The following PHRF1 variants were observed in gnomAD, a reference collection of about 807,000 sequenced individuals.
PHRF1 encodes PHD and ring finger domains 1.
A neutral mutation model predicts 128.9 loss-of-function variants in PHRF1; 53 were observed. That is an observed-to-expected ratio of 0.41 (90% CI 0.33 to 0.52). PHRF1 has a LOEUF of 0.52. Ranked by LOEUF, PHRF1 falls within the 20% of genes least tolerant of loss-of-function variation. The pLI is 0.21. For synonymous variants in PHRF1, 1,178 were observed against 980.6 expected, an observed-to-expected ratio of 1.20 and a Z score of -3.76; for missense variants, 2,503 against 2,284.5, an observed-to-expected ratio of 1.10 and a Z score of -1.95.
chr11:583,092 G>C (rs1316100343), intron 3 of PHRF1, among the ~76,000 whole-genome samples: 1 of 151,374 alleles, frequency 6.6e-6, no homozygotes, highest in Non-Finnish European at 1.5e-5. Context: ...TGTAATCCCA[G>C]CACTTTGGGA....
Position 611,669 on chromosome 11 carries a change from G to A in PHRF1, c.4842G>A (p.Val1614=), listed in dbSNP as rs1287150734. Residue 1614 remains valine, a synonymous_variant, in exon 18 of 18, where the codon GTG becomes GTA. Coordinates refer to ENST00000264555, the MANE Select transcript of PHRF1 (RefSeq NM_001286581.2). ...CHSKSGEINP[V]KVANLVKAYV... is the part of the protein sequence containing the mutation. ...GCAAGAGTGGAGAGATCAACCCCGTGAAGGTGGCCAACCTGGTGAAGGCGT... is the reference window on the plus strand; with the variant it reads ...GCAAGAGTGGAGAGATCAACCCCGTAAAGGTGGCCAACCTGGTGAAGGCGT... 4 of 1,613,100 alleles carry A rather than the reference G, an allele frequency of 2.5e-6. No homozygotes were observed. Among genetic ancestry groups the A allele is most frequent in the Non-Finnish European group, 3.4e-6 (4 of 1,179,862 alleles).
chr11:599,853 A>G (rs1251279325), intron 9 of PHRF1, among the ~76,000 whole-genome samples: 1 of 152,038 alleles, frequency 6.6e-6, no homozygotes, highest in Non-Finnish European at 1.5e-5. Flanking sequence ...GGTCTGGTGC[A>G]GGGGCCCAAC....
Position 592,586 on chromosome 11 carries a change from G to C in PHRF1, c.532G>C (p.Glu178Gln). The C allele has an allele frequency of 5.6e-6, 9 of 1,613,346 alleles. No homozygotes were observed. Among genetic ancestry groups the C allele is most frequent in the Non-Finnish European group, 7.6e-6 (9 of 1,179,312 alleles). Residue 178 changes from glutamate (E) to glutamine (Q), a missense_variant, in exon 6 of 18, where the codon GAG becomes CAG. By Grantham distance (29) the Glu-to-Gln change is conservative. Coordinates refer to ENST00000264555, the MANE Select transcript of PHRF1 (RefSeq NM_001286581.2). ...CCCAGTGGAGAACACCAAAGCGAGC[G>C]AGGAGGAGGAGGACCCGACCTTCTG... The part of the protein sequence containing the change: ...KIPVENTKAS[E>Q]EEEDPTFCEV...
rs76680773 is a variant in PHRF1, at chr11:577,180, C to G, written c.-22+588C>G. 4.9e-3 allele frequency among the ~76,000 whole-genome samples: 751 copies of G among 152,328 alleles called. 6 individuals are homozygous for G. The highest frequency in any genetic ancestry group is 0.017 in the African/African-American group (712 of 41,574). ...TAACTCTTGCAGTCCTCACAAGAGC[C>G]TCTCAGGTGTAGGTATTGTTCCCGT... is the stretch of plus-strand genomic sequence containing the variant. On this transcript the variant is annotated intron_variant, in intron 1 of 17. Coordinates refer to ENST00000264555, the MANE Select transcript of PHRF1 (RefSeq NM_001286581.2).
Position 609,704 on chromosome 11 carries a change from C to T in PHRF1, c.4248C>T (p.Ala1416=), listed in dbSNP as rs376116360. 1.8e-5 allele frequency: 27 copies of T among 1,501,542 alleles called. No homozygotes were observed. In the East Asian group the frequency reaches 2.9e-4, roughly 16 times the overall value. The allele number at this position is 1,501,542 out of a possible 1,614,324, so 93.0% of individuals were successfully genotyped here. The part of the protein sequence containing the change: ...NLQESESSAP[A]EDRAPRAPLH... ...AGGAGTCGGAGAGCAGCGCCCCCGCCGAGGACAGAGCCCCCCGTGAGTAGT... is the reference window on the plus strand; with the variant it reads ...AGGAGTCGGAGAGCAGCGCCCCCGCTGAGGACAGAGCCCCCCGTGAGTAGT... Residue 1416 remains alanine (A), a synonymous_variant, in exon 14 of 18, where the codon GCC becomes GCT. Coordinates refer to ENST00000264555, the MANE Select transcript of PHRF1 (RefSeq NM_001286581.2).
rs769386886 is a variant in PHRF1, at chr11:608,858, GCACAAGCATCAGCGGGAACGCAGC to G, written c.3406_3429del (p.Lys1136_His1143del). On this transcript the variant is annotated inframe_deletion, in exon 14 of 18. Transcript: ENST00000264555. ...CCAGCAGCCTGGAGAGGCTCTGCAGGCACAAGCATCAGCGGGAACGCAGCCACGAGCGGCCAGACAGGAAGGAGA... is the reference window on the plus strand; with the variant it reads ...CCAGCAGCCTGGAGAGGCTCTGCAGGCACGAGCGGCCAGACAGGAAGGAGA... 1 of 1,612,352 alleles carries G rather than the reference GCACAAGCATCAGCGGGAACGCAGC, an allele frequency of 6.2e-7. No individual in the cohort carries two copies. Among genetic ancestry groups the G allele is most frequent in the Admixed American group, 1.7e-5 (1 of 60,028 alleles).
At chr11:590,958 C>A (rs1398792398) in intron 4 of PHRF1, among the ~76,000 whole-genome samples, 4 of 152,198 alleles carry the variant, frequency 2.6e-5, no homozygotes, top group African/African-American at 9.7e-5. Context: ...CTGCCTCGGC[C>A]TCCCAAAGTG....
At chr11:609,854 T>G in intron 14 of PHRF1, 134 bp downstream of exon 14, 1 of 600,100 alleles carries the variant, frequency 1.7e-6, no homozygotes, top group Non-Finnish European at 2.7e-6. Flanking sequence ...AGTAGGGCCC[T>G]GGCCTCCGCT....
intron 10 of PHRF1, among the ~76,000 whole-genome samples, chr11:603,289 T>G (rs1855747610): frequency 1.3e-5 from 2 of 152,186 alleles, no homozygotes; most frequent in African/African-American, 4.8e-5. Flanking sequence ...CTCCCGGGCT[T>G]AAGCAGTTTG....
chr11:608,458 G>T lies in PHRF1; in HGVS notation c.3002G>T (p.Ser1001Ile). Residue 1001 changes from serine to isoleucine, a missense_variant, in exon 14 of 18, where the codon AGC becomes ATC. Ser to Ile is a moderately radical substitution (Grantham distance 142, BLOSUM62 -2). Transcript: ENST00000264555. The part of the protein sequence containing the change: ...SRSRSTSSSR[S>I]RKKAKRKRVS... ...TCCCGCTCCACATCCAGCTCCCGCA[G>T]CAGGAAGAAGGCCAAGAGGAAGAGG... is the stretch of plus-strand genomic sequence containing the variant. 6.2e-7 allele frequency: 1 copy of T among 1,612,510 alleles called. No homozygotes were observed. The highest frequency in any genetic ancestry group is 8.5e-7 in the Non-Finnish European group (1 of 1,179,842).
At chr11:589,831 TGA>T (rs745354923) in intron 4 of PHRF1, among the ~76,000 whole-genome samples, 3 of 139,692 alleles carry the variant, frequency 2.1e-5, no homozygotes, top group African/African-American at 3.1e-5. Flanking sequence ...GGGCTCAGCC[TGA>T]GAGAGAGTCT....
At position 597,495 on chromosome 11, in the gene PHRF1, A is replaced by C. The variant is rs937080210; in HGVS notation, c.819A>C (p.Ile273=). 1.2e-6 allele frequency: 2 copies of C among 1,612,614 alleles called. No individual in the cohort carries two copies. Among genetic ancestry groups the C allele is most frequent in the Admixed American group, 3.3e-5 (2 of 59,900 alleles). ...CTCGAGCAGGTAGGACCCGGGCGAT[A>C]GCCAGGACACGGCAGAGTGAGAGAG... is the stretch of plus-strand genomic sequence containing the variant. ...LRPRAGRTRA[I]ARTRQSERVR... Residue 273 remains isoleucine, a synonymous_variant, in exon 8 of 18, where the codon ATA becomes ATC. Coordinates refer to ENST00000264555, the MANE Select transcript of PHRF1 (RefSeq NM_001286581.2). The surrounding 1 kb of genome is among the most constrained non-coding windows in gnomAD (Gnocchi z 6.5).
rs566213837 is a variant in PHRF1, at chr11:583,374, G to A, written c.214+1293G>A. ...CAAAAAAACCCCACCAAAATTAGCC[G>A]GGCGTGGTGGTGCGTGCCTGTAATC... is the stretch of plus-strand genomic sequence containing the variant. On this transcript the variant is annotated intron_variant, in intron 3 of 17. Transcript: ENST00000264555. 1.7e-4 allele frequency among the ~76,000 whole-genome samples: 26 copies of A among 151,100 alleles called. No homozygotes were observed. The South Asian group carries it at 3.4e-3, about 20-fold the overall frequency.
rs539305564 is a variant in PHRF1, at chr11:608,777, G to A, written c.3321G>A (p.Arg1107=). The change falls in exon 14 of 18, where the codon AGG becomes AGA. Residue 1107 remains arginine (R), a synonymous_variant. Coordinates refer to ENST00000264555, the MANE Select transcript of PHRF1 (RefSeq NM_001286581.2). ...GSSSYEHYES[R]KKKKRRSASR... The stretch of plus-strand genomic sequence containing the variant: ...CTTCCTATGAGCACTATGAGAGTAG[G>A]AAGAAGAAGAAAAGGAGATCAGCGT... 16 of 1,611,580 alleles carry A rather than the reference G, an allele frequency of 9.9e-6. No individual in the cohort carries two copies. The African/African-American group carries it at 1.9e-4, about 19-fold the overall frequency.
chr11:605,548 G>A (rs1855890431), intron 11 of PHRF1, 57 bp from the exon 12 acceptor site: 1 of 1,596,576 alleles, frequency 6.3e-7, no homozygotes, highest in Non-Finnish European at 8.5e-7. Flanking sequence ...TCCCTGGGCT[G>A]GGGTTTCTGG....
At position 601,555 on chromosome 11, in the gene PHRF1, T is replaced by C. The variant is rs1275077364; in HGVS notation, c.1025-19T>C. 1 of 1,613,334 alleles carries C rather than the reference T, an allele frequency of 6.2e-7. No individual in the cohort carries two copies. Among genetic ancestry groups the C allele is most frequent in the Non-Finnish European group, 8.5e-7 (1 of 1,179,832 alleles). On this transcript the variant is annotated intron_variant, in intron 9 of 17. Coordinates refer to ENST00000264555, the MANE Select transcript of PHRF1 (RefSeq NM_001286581.2). ...GGGCCCAGCACAGAGAAGCACAGACTTCAACCTCTTTTCCTTAGGAAGACG... is the reference window on the plus strand; with the variant it reads ...GGGCCCAGCACAGAGAAGCACAGACCTCAACCTCTTTTCCTTAGGAAGACG...
rs1308369883 is a variant in PHRF1, at chr11:592,232, T to A, written c.505-327T>A. Among the ~76,000 whole-genome samples the A allele has an allele frequency of 1.3e-4, 19 of 151,374 alleles. No individual in the cohort carries two copies. The East Asian group carries it at 2.5e-3, about 20-fold the overall frequency. Reference sequence around the variant, plus strand: ...GCCCAGCCTTTTTTTTTTTTTTTTTTAAGAGGCAGATCTTGCTCTTCCGTG... The same window carrying A: ...GCCCAGCCTTTTTTTTTTTTTTTTTAAAGAGGCAGATCTTGCTCTTCCGTG... On this transcript the variant is annotated intron_variant, in intron 5 of 17. Coordinates refer to ENST00000264555, the MANE Select transcript of PHRF1 (RefSeq NM_001286581.2).
At chr11:577,618 C>T (rs951949329) in intron 1 of PHRF1, among the ~76,000 whole-genome samples, 17 of 152,232 alleles carry the variant, frequency 1.1e-4, no homozygotes, top group Admixed American at 1.0e-3. Flanking sequence ...GACCTTTGTG[C>T]GTGCCTGACT....
intron 1 of PHRF1, among the ~76,000 whole-genome samples, chr11:576,989 C>T (rs890377164): frequency 3.9e-5 from 6 of 152,130 alleles, no homozygotes; most frequent in Non-Finnish European, 7.4e-5. Flanking sequence ...TCGCCTCGCT[C>T]TGTGGCACCC....
Sources: allele counts gnomAD v4.1 joint callset (sites outside exome capture counted in the v4.1 genomes callset), GRCh38; gene constraint gnomAD v4.1.1; non-coding constraint Gnocchi (gnomAD v3.1); transcripts MANE v1.5; gene names NCBI Gene and HGNC (gene_info 2026-07-23, HGNC 2026-07-21).